Variants in PDCD4 observed in about 807,000 individuals in gnomAD.
PDCD4 encodes the protein programmed cell death 4, also known as programmed cell death protein 4.
A neutral mutation model predicts 54.0 loss-of-function variants in PDCD4; 56 were observed. That is an observed-to-expected ratio of 1.04 (90% confidence interval 0.84 to 1.30). The LOEUF is 1.30. Among genes scored for constraint, PDCD4 ranks in the 50% most tolerant of loss-of-function variants. The pLI, the probability that PDCD4 is intolerant of heterozygous loss-of-function variation, is 0.00. For missense variants in PDCD4, 584 were observed against 559.8 expected (o/e 1.04, Z -0.44); for synonymous variants, 186 against 194.8 (o/e 0.95, Z 0.37).
chr10:110,890,423 G>A, intron 7 of PDCD4, 133 bp from the exon 8 acceptor site: 1 of 459,880 alleles, frequency 2.2e-6, no homozygotes, highest in Non-Finnish European at 3.9e-6. Flanking sequence ...TTGAAAAAGT[G>A]TTTTGAATTT....
chr10:110,886,255 A>G (rs1030636167), intron 5 of PDCD4, among the ~76,000 whole-genome samples: 1 of 152,206 alleles, frequency 6.6e-6, no homozygotes, highest in Non-Finnish European at 1.5e-5. Context: ...AATCTTGTTA[A>G]TCTACCTAGC....
intron 11 of PDCD4, among the ~76,000 whole-genome samples, chr10:110,896,513 C>T (rs1015941031): frequency 2.6e-5 from 4 of 152,078 alleles, no homozygotes. Context: ...TCCTTGACTT[C>T]TTTACAGGTT....
intron 1 of PDCD4, 27 bp from the exon 2 acceptor site, chr10:110,875,939 C>T (rs1845497073): frequency 3.8e-6 from 4 of 1,058,460 alleles, no homozygotes; most frequent in Non-Finnish European, 4.2e-6. Flanking sequence ...GATCTTGAAG[C>T]TTTCTTTTTT....
At position 110,883,098 on chromosome 10, in the gene PDCD4, G is replaced by A. The variant is rs1845616919; in HGVS notation, c.441+1G>A. 2 of 1,551,194 alleles carry A rather than the reference G, an allele frequency of 1.3e-6. No individual in the cohort carries two copies. The highest frequency in any genetic ancestry group is 1.2e-5 in the South Asian group (1 of 85,236). ...AGATCCTAACTATGATGATGACCAG[G>A]TATCAGTGCTTTGCTTTTTCATAAT... On this transcript the variant is annotated splice_donor_variant, in intron 4 of 11. Transcript: ENST00000280154. LOFTEE classifies it high-confidence loss of function.
At chr10:110,894,379 A>T in intron 9 of PDCD4, 33 bp from the exon 10 acceptor site, 3 of 1,174,630 alleles carry the variant, frequency 2.6e-6, no homozygotes, top group Non-Finnish European at 3.8e-6. Context: ...TATATGAATT[A>T]ACCAAAAATT....
Position 110,888,462 on chromosome 10 carries a change from A to AT in PDCD4, c.777+582dup, listed in dbSNP as rs538240839. On this transcript the variant is annotated intron_variant, in intron 6 of 11. Transcript: ENST00000280154. Reference sequence around the variant, plus strand: ...ATTAAGTGGTGATTCTAATGCAGACATTTTTTCCTTTTATACCAATACACA... The same window carrying AT: ...ATTAAGTGGTGATTCTAATGCAGACATTTTTTTCCTTTTATACCAATACACA... Among the ~76,000 whole-genome samples the AT allele has an allele frequency of 1.1e-3, 173 of 152,236 alleles. 1 individual carries two copies. Among genetic ancestry groups the AT allele is most frequent in the African/African-American group, 3.8e-3 (158 of 41,550 alleles).
In PDCD4 at chr10:110,898,279, AG is replaced by A; in HGVS notation, c.*196del. The A allele has an allele frequency of 2.6e-6, 1 of 386,522 alleles. No homozygotes were observed. Among genetic ancestry groups the A allele is most frequent in the Non-Finnish European group, 4.5e-6 (1 of 222,432 alleles). The allele number at this position is 386,522 out of a possible 1,614,324, so 23.9% of individuals were successfully genotyped here. ...TTTTTTCTTTTTTTTTTGTTTTTCG[AG>A]GGGGCAAGGAGGGACAGAAAAGTAA... On this transcript the variant is annotated 3_prime_UTR_variant, in exon 12 of 12. Transcript: ENST00000280154.
At chr10:110,890,523 C>T in intron 7 of PDCD4, 33 bp from the exon 8 acceptor site, 1 of 1,296,598 alleles carries the variant, frequency 7.7e-7, no homozygotes, top group South Asian at 1.3e-5. Context: ...GTATGTCCAG[C>T]TATCAAACTT....
intron 11 of PDCD4, among the ~76,000 whole-genome samples, chr10:110,897,410 T>TA (rs1310460918): frequency 5.3e-5 from 8 of 152,244 alleles, no homozygotes. Context: ...ATTTCCCACT[T>TA]ACTGCTTTAG....
chr10:110,890,779 C>G (rs564804874), intron 8 of PDCD4, 109 bp downstream of exon 8: 1 of 505,976 alleles, frequency 2.0e-6, no homozygotes, highest in Non-Finnish European at 3.5e-6. Flanking sequence ...TTCGGTCTTA[C>G]AGCTGCAATT....
In PDCD4 at chr10:110,881,417, G is replaced by T. The variant is rs372715017; in HGVS notation, c.228G>T (p.Ser76=). ...CCCGGGACTCTGGCAGAGGCGATTC[G>T]GTCAGCGACAGTGGGAGTGACGCCC... ...NSSRDSGRGD[S]VSDSGSDALR... is the part of the protein sequence containing the mutation. The change falls in exon 3 of 12, where the codon TCG becomes TCT. Residue 76 remains serine, a synonymous_variant. Coordinates refer to ENST00000280154, the MANE Select transcript of PDCD4 (RefSeq NM_014456.5). 1 of 1,614,078 alleles carries T rather than the reference G, an allele frequency of 6.2e-7. No individual in the cohort carries two copies. Among genetic ancestry groups the T allele is most frequent in the Non-Finnish European group, 8.5e-7 (1 of 1,180,046 alleles).
chr10:110,881,544 A>G lies in PDCD4; in HGVS notation c.346+9A>G. Reference sequence around the variant, plus strand: ...GGGACTACCAAAGAAAGGTTGGTATATATCATGTCCAACAAATGGAAGATA... The same window carrying G: ...GGGACTACCAAAGAAAGGTTGGTATGTATCATGTCCAACAAATGGAAGATA... On this transcript the variant is annotated intron_variant, in intron 3 of 11. Transcript: ENST00000280154. The G allele has an allele frequency of 3.8e-6, 6 of 1,587,236 alleles. No homozygotes were observed. Among genetic ancestry groups the G allele is most frequent in the Non-Finnish European group, 4.3e-6 (5 of 1,163,916 alleles).
At chr10:110,888,799 A>G (rs891636074) in intron 6 of PDCD4, among the ~76,000 whole-genome samples, 1 of 152,114 alleles carries the variant, frequency 6.6e-6, no homozygotes, top group Non-Finnish European at 1.5e-5. Flanking sequence ...TTATTTTTGG[A>G]CACCAATTTC....
intron 8 of PDCD4, among the ~76,000 whole-genome samples, chr10:110,893,521 A>G (rs1293608585): frequency 6.6e-6 from 1 of 151,928 alleles, no homozygotes; most frequent in Non-Finnish European, 1.5e-5. Flanking sequence ...TGAGCGGGAA[A>G]ATCAAGACTT....
chr10:110,872,123 T>TG (rs944507233), intron 1 of PDCD4, 105 bp downstream of exon 1: 6 of 152,048 alleles, frequency 3.9e-5, no homozygotes, highest in African/African-American at 1.2e-4. Flanking sequence ...GGCGGAGGCG[T>TG]GGGGGTCGCG....
At chr10:110,895,532 A>T (rs928735271) in intron 10 of PDCD4, among the ~76,000 whole-genome samples, 1 of 152,156 alleles carries the variant, frequency 6.6e-6, no homozygotes, top group Non-Finnish European at 1.5e-5. Flanking sequence ...ATAGTACCCG[A>T]TAAATATACA....
At chr10:110,878,866 T>C (rs1466305828) in intron 2 of PDCD4, among the ~76,000 whole-genome samples, 1 of 152,172 alleles carries the variant, frequency 6.6e-6, no homozygotes, top group Non-Finnish European at 1.5e-5. Flanking sequence ...AGGTACCAGG[T>C]AGTGTGGAAC....
chr10:110,895,995 C>T lies in PDCD4; in HGVS notation c.1257C>T (p.Val419=). 1 of 1,604,398 alleles carries T rather than the reference C, an allele frequency of 6.2e-7. No homozygotes were observed. Among genetic ancestry groups the T allele is most frequent in the South Asian group, 1.1e-5 (1 of 90,310 alleles). The change falls in exon 11 of 12, where the codon GTC becomes GTT. Residue 419 remains valine, a synonymous_variant. Coordinates refer to ENST00000280154, the MANE Select transcript of PDCD4 (RefSeq NM_014456.5). ...AAATTCCGGACATTAATCTGGATGT[C>T]CCACATTCATACTCTGTGCTGGAGC... ...YNEIPDINLD[V]PHSYSVLERF...
chr10:110,889,491 AT>A (rs1194612946), intron 6 of PDCD4, 41 bp from the exon 7 acceptor site: 2 of 1,125,096 alleles, frequency 1.8e-6, no homozygotes, highest in African/African-American at 3.1e-5. Context: ...TATAAAAGTT[AT>A]TTAACTTTTT....
Sources: gnomAD v4.1 joint callset for allele counts (sites outside exome capture counted in the v4.1 genomes callset) on GRCh38, gnomAD v4.1.1 for gene constraint, MANE v1.5 for transcripts, NCBI Gene and HGNC (gene_info 2026-07-23, HGNC 2026-07-21) for gene names.